Variants in RABGAP1L observed in about 807,000 individuals in gnomAD.
RABGAP1L encodes the protein rab GTPase-activating protein 1-like.
Under a neutral mutation model 137.7 loss-of-function variants are expected in RABGAP1L, and 63 were observed. That is an observed-to-expected ratio of 0.46 (90% CI 0.37 to 0.56). The LOEUF (loss-of-function observed/expected upper bound fraction) is 0.56. Ranked by LOEUF, RABGAP1L falls within the 20% of genes least tolerant of loss-of-function variation. The pLI is 0.00. For missense variants in RABGAP1L, 1,095 were observed against 1,244.0 expected, an observed-to-expected ratio of 0.88 and a Z score of 1.80; for synonymous variants, 431 against 433.7, an observed-to-expected ratio of 0.99 and a Z score of 0.08.
intron 13 of RABGAP1L, among the ~76,000 whole-genome samples, chr1:174,415,645 T>G (rs1650463838): frequency 2.0e-5 from 3 of 152,084 alleles, no homozygotes; most frequent in Admixed American, 6.6e-5. Flanking sequence ...TCTTTATATC[T>G]TCAGTTCTGG....
At chr1:174,260,575 A>G (rs1325049728) in intron 7 of RABGAP1L, among the ~76,000 whole-genome samples, 2 of 152,210 alleles carry the variant, frequency 1.3e-5, no homozygotes, top group Admixed American at 6.5e-5. Flanking sequence ...GTGTGTGTAC[A>G]TGAGGTCAGG....
chr1:174,894,543 T>C (rs148631690), intron 19 of RABGAP1L, among the ~76,000 whole-genome samples: 193 of 152,314 alleles, frequency 1.3e-3, no homozygotes, highest in Non-Finnish European at 1.6e-3. Flanking sequence ...AATAAATATA[T>C]TTTATCTAAG....
chr1:174,692,138 C>T (rs1678917612), intron 15 of RABGAP1L, among the ~76,000 whole-genome samples: 1 of 152,134 alleles, frequency 6.6e-6, no homozygotes, highest in Non-Finnish European at 1.5e-5. Context: ...GATTGCCCTA[C>T]TTGTGTGGTA....
intron 13 of RABGAP1L, among the ~76,000 whole-genome samples, chr1:174,579,126 A>G (rs1159238603): frequency 6.6e-6 from 1 of 152,138 alleles, no homozygotes; most frequent in Non-Finnish European, 1.5e-5. Flanking sequence ...ACACATTTGC[A>G]TAGTTATATT....
At chr1:174,946,936 ATATATGTG>A (rs1160147272) in intron 19 of RABGAP1L, among the ~76,000 whole-genome samples, 156 of 65,040 alleles carry the variant, frequency 2.4e-3, no homozygotes, top group South Asian at 4.0e-3. Context: ...ATATATATAT[ATATATGTG>A]TGTGTGTGTG....
chr1:174,981,893 T>G (rs1671165947), intron 23 of RABGAP1L, among the ~76,000 whole-genome samples: 1 of 152,052 alleles, frequency 6.6e-6, no homozygotes, highest in Non-Finnish European at 1.5e-5. Flanking sequence ...CTTTGCATAC[T>G]TTTTTTTCCA....
At chr1:174,301,656 C>T (rs1236980079) in intron 10 of RABGAP1L, among the ~76,000 whole-genome samples, 1 of 152,086 alleles carries the variant, frequency 6.6e-6, no homozygotes, top group Non-Finnish European at 1.5e-5. Context: ...AGAGGGGACA[C>T]AAGGGTGGTC....
chr1:174,496,779 T>C (rs1660773439), intron 13 of RABGAP1L, among the ~76,000 whole-genome samples: 1 of 152,120 alleles, frequency 6.6e-6, no homozygotes, highest in African/African-American at 2.4e-5. Flanking sequence ...AGTAGAGAGA[T>C]TCCTTAAAGA....
rs765261074 is a variant in RABGAP1L at position 174,448,708 on chromosome 1, C to T, written c.1710+54563C>T. The T allele has an allele frequency of 1.2e-6, 2 of 1,614,016 alleles. No individual in the cohort carries two copies. Among genetic ancestry groups the T allele is most frequent in the South Asian group, 2.2e-5 (2 of 91,076 alleles). The stretch of plus-strand genomic sequence containing the variant: ...AATGGTGTGCCACGTCTTGGCTCAC[C>T]AGTGCCTATTTTACTGGCTTTATTG... On this transcript the variant is annotated intron_variant, in intron 13 of 25. Coordinates refer to ENST00000681986, the MANE Select transcript of RABGAP1L (RefSeq NM_001366446.1). This position sits in a 1 kb window ranked among gnomAD's most constrained non-coding sequence, Gnocchi z 4.2.
chr1:174,383,637 C>T (rs1432118668), intron 12 of RABGAP1L, among the ~76,000 whole-genome samples: 1 of 152,192 alleles, frequency 6.6e-6, no homozygotes, highest in Non-Finnish European at 1.5e-5. Flanking sequence ...AATGCCTCGC[C>T]CTGCTTCGGC....
rs532808091 is a variant in RABGAP1L, at chr1:174,507,043, G to A, written c.1710+112898G>A. On this transcript the variant is annotated intron_variant, in intron 13 of 25. Coordinates refer to ENST00000681986, the MANE Select transcript of RABGAP1L (RefSeq NM_001366446.1). ...GGAGGATCCCTTGAGCCTGGGAGGC[G>A]GAAACTTACCTTATACACCATAATT... Among the ~76,000 whole-genome samples the A allele has an allele frequency of 1.1e-4, 16 of 152,068 alleles. No individual in the cohort carries two copies. In the South Asian group the frequency reaches 2.9e-3, roughly 28 times the overall value.
intron 16 of RABGAP1L, 56 bp from the exon 17 acceptor site, chr1:174,702,057 T>G: frequency 1.3e-6 from 2 of 1,541,494 alleles, no homozygotes; most frequent in Non-Finnish European, 1.8e-6. Flanking sequence ...GGCAGGAACT[T>G]CATTGTTCTG....
chr1:174,812,159 G>A (rs775078465), intron 19 of RABGAP1L, among the ~76,000 whole-genome samples, 199 bp downstream of exon 19: 2 of 152,138 alleles, frequency 1.3e-5, no homozygotes, highest in Non-Finnish European at 2.9e-5. Context: ...CTTAAAGTTG[G>A]CAGGCTCAGA....
At chr1:174,190,122 G>A (rs1242686483) in intron 1 of RABGAP1L, among the ~76,000 whole-genome samples, 4 of 152,004 alleles carry the variant, frequency 2.6e-5, no homozygotes, top group Non-Finnish European at 5.9e-5. Context: ...GGCCAACATG[G>A]TGAAACCCCG....
At chr1:174,212,110 G>A (rs1668941708) in intron 1 of RABGAP1L, among the ~76,000 whole-genome samples, 2 of 152,194 alleles carry the variant, frequency 1.3e-5, no homozygotes, top group South Asian at 4.1e-4. Flanking sequence ...GACTTAATGT[G>A]CCTTATAGAC....
intron 13 of RABGAP1L, among the ~76,000 whole-genome samples, chr1:174,426,308 T>G (rs1651948519): frequency 1.3e-5 from 2 of 152,102 alleles, no homozygotes; most frequent in African/African-American, 4.8e-5. Context: ...AACTAGATTC[T>G]CTCACATTTC....
At chr1:174,633,160 A>C (rs1288412946) in intron 13 of RABGAP1L, among the ~76,000 whole-genome samples, 4 of 151,020 alleles carry the variant, frequency 2.6e-5, no homozygotes, top group African/African-American at 9.8e-5. Flanking sequence ...AAATCTCCTT[A>C]AGCTGATAAG....
chr1:174,347,797 G>A (rs565246992), intron 11 of RABGAP1L, among the ~76,000 whole-genome samples: 47 of 152,222 alleles, frequency 3.1e-4, no homozygotes, highest in Non-Finnish European at 5.6e-4. Flanking sequence ...TTTTTCTCTT[G>A]AAATCTGTTT....
chr1:174,605,277 C>T (rs1025218953), intron 13 of RABGAP1L, among the ~76,000 whole-genome samples: 2 of 152,172 alleles, frequency 1.3e-5, no homozygotes, highest in Non-Finnish European at 2.9e-5. Context: ...CTTTCCTAGG[C>T]ATTTTTCTGC....
Sources: gnomAD v4.1 joint callset for allele counts (sites outside exome capture counted in the v4.1 genomes callset) on GRCh38, gnomAD v4.1.1 for gene constraint, Gnocchi (gnomAD v3.1) non-coding constraint, MANE v1.5 for transcripts, NCBI Gene and HGNC (gene_info 2026-07-23, HGNC 2026-07-21) for gene names.